Variants in SPIRE1 observed in about 807,000 individuals in gnomAD.
The protein encoded by SPIRE1 is spire type actin nucleation factor 1.
In SPIRE1, 40 loss-of-function variants were observed where a neutral mutation model predicts 94.1. The observed-to-expected ratio is 0.43, with a 90% CI of 0.33 to 0.55. The LOEUF is 0.55. Ranked by LOEUF, SPIRE1 falls within the 20% of genes least tolerant of loss-of-function variation. The pLI is 0.06. For missense variants in SPIRE1, 838 were observed against 975.2 expected (o/e 0.86, Z 1.87); for synonymous variants, 376 against 371.7 (o/e 1.01, Z -0.13).
intron 2 of SPIRE1, among the ~76,000 whole-genome samples, chr18:12,628,030 T>A: frequency 6.6e-6 from 1 of 152,204 alleles, no homozygotes; most frequent in Non-Finnish European, 1.5e-5. Context: ...GGTAGCTTCT[T>A]CTGCCATGCA....
chr18:12,550,727 C>G (rs1177191109), intron 2 of SPIRE1, among the ~76,000 whole-genome samples: 1 of 152,172 alleles, frequency 6.6e-6, no homozygotes, highest in African/African-American at 2.4e-5. Context: ...GTCTTTCCTT[C>G]TGAAACCACT....
At chr18:12,569,143 A>T (rs2035890725) in intron 2 of SPIRE1, among the ~76,000 whole-genome samples, 2 of 152,180 alleles carry the variant, frequency 1.3e-5, no homozygotes, top group Non-Finnish European at 2.9e-5. Context: ...GATCGAGACC[A>T]TCCTGGCTAA....
intron 4 of SPIRE1, among the ~76,000 whole-genome samples, chr18:12,515,340 C>T (rs1454762219): frequency 6.6e-6 from 1 of 151,838 alleles, no homozygotes; most frequent in Non-Finnish European, 1.5e-5. Context: ...CACAGTAAGA[C>T]CCTGTCTCTC....
intron 2 of SPIRE1, among the ~76,000 whole-genome samples, chr18:12,548,231 A>G (rs1471107203): frequency 6.6e-6 from 1 of 152,238 alleles, no homozygotes; most frequent in Non-Finnish European, 1.5e-5. Flanking sequence ...CTCCCAAAAT[A>G]AATAAAATCT....
chr18:12,456,537 G>A (rs143435354), intron 12 of SPIRE1, among the ~76,000 whole-genome samples: 79 of 152,222 alleles, frequency 5.2e-4, no homozygotes, highest in African/African-American at 1.8e-3. Context: ...ACATAACCAG[G>A]GAAACACTAC....
Position 12,503,977 on chromosome 18 carries a change from G to A in SPIRE1, c.972+2500C>T, listed in dbSNP as rs1050798015. On this transcript the variant is annotated intron_variant, in intron 6 of 16. Transcript: ENST00000409402. The stretch of plus-strand genomic sequence containing the variant: ...ATTTCTGAGGGCAACTAGGGAATAT[G>A]TACATAGCACAGAGCACTGGGGTCA... 6.8e-5 allele frequency among the ~76,000 whole-genome samples: 10 copies of A among 147,122 alleles called. 1 individual carries two copies. The highest frequency in any genetic ancestry group is 1.4e-4 in the Non-Finnish European group (9 of 66,472).
At chr18:12,501,259 T>C (rs1018051008) in intron 6 of SPIRE1, among the ~76,000 whole-genome samples, 2 of 152,070 alleles carry the variant, frequency 1.3e-5, no homozygotes, top group Non-Finnish European at 2.9e-5. Flanking sequence ...AGCATATTTG[T>C]GGTTACCAGG....
At chr18:12,544,555 G>A (rs1044118187) in intron 3 of SPIRE1, among the ~76,000 whole-genome samples, 1 of 147,776 alleles carries the variant, frequency 6.8e-6, no homozygotes, top group Non-Finnish European at 1.5e-5. Context: ...ATGTTGCCCA[G>A]GCTGGTCTCA....
At chr18:12,480,603 T>C (rs2032803801) in intron 9 of SPIRE1, among the ~76,000 whole-genome samples, 2 of 152,176 alleles carry the variant, frequency 1.3e-5, no homozygotes, top group East Asian at 1.9e-4. Context: ...CAATAAATGT[T>C]AGCAATTATT....
intron 4 of SPIRE1, among the ~76,000 whole-genome samples, chr18:12,519,201 C>T (rs947191973): frequency 3.3e-5 from 5 of 152,026 alleles, no homozygotes; most frequent in South Asian, 2.1e-4. Flanking sequence ...CTACTTAATT[C>T]GAATTTATAT....
chr18:12,582,656 T>C (rs1219147872), intron 2 of SPIRE1, among the ~76,000 whole-genome samples: 1 of 152,194 alleles, frequency 6.6e-6, no homozygotes, highest in Non-Finnish European at 1.5e-5. Context: ...GTTAGTTTCT[T>C]AACACATGTA....
chr18:12,497,834 C>T (rs1352343843), intron 6 of SPIRE1, among the ~76,000 whole-genome samples: 1 of 152,222 alleles, frequency 6.6e-6, no homozygotes, highest in Non-Finnish European at 1.5e-5. Context: ...GGCTAATTTT[C>T]ACATGCTTTC....
At chr18:12,588,797 G>T (rs2036455318) in intron 2 of SPIRE1, among the ~76,000 whole-genome samples, 1 of 151,672 alleles carries the variant, frequency 6.6e-6, no homozygotes, top group African/African-American at 2.4e-5. Flanking sequence ...TTAACTTCAG[G>T]GTTCTTTTAT....
intron 1 of SPIRE1, among the ~76,000 whole-genome samples, chr18:12,639,543 C>G (rs1348883765): frequency 1.3e-5 from 2 of 152,060 alleles, no homozygotes; most frequent in East Asian, 3.9e-4. Flanking sequence ...GCCAGCCTAG[C>G]CAAGATGGTG....
chr18:12,450,217 G>A (rs906432119), intron 16 of SPIRE1, among the ~76,000 whole-genome samples: 2 of 151,222 alleles, frequency 1.3e-5, no homozygotes, highest in Non-Finnish European at 2.9e-5. Flanking sequence ...AAAATAGCCA[G>A]GCATGGTGGT....
At chr18:12,615,674 T>C (rs1327065954) in intron 2 of SPIRE1, among the ~76,000 whole-genome samples, 1 of 152,076 alleles carries the variant, frequency 6.6e-6, no homozygotes, top group East Asian at 1.9e-4. Context: ...TAATGATCTG[T>C]ATACTTTCTC....
rs1427699665 is a variant in SPIRE1 at position 12,475,565 on chromosome 18, T to C, written c.1404+4134A>G. On this transcript the variant is annotated intron_variant, in intron 10 of 16. Coordinates refer to ENST00000409402, the MANE Select transcript of SPIRE1 (RefSeq NM_001128626.2). ...ATAGGAGAAGAGTTTAAAAATGCAC[T>C]AAAAAGTAGGGAACAAAAAATTACT... Among the ~76,000 whole-genome samples, 3 of 151,556 alleles carry C rather than the reference T, an allele frequency of 2.0e-5. No individual in the cohort carries two copies. In the East Asian group the frequency reaches 5.8e-4, roughly 29 times the overall value.
At chr18:12,483,102 A>G (rs904387753) in intron 9 of SPIRE1, among the ~76,000 whole-genome samples, 2 of 151,970 alleles carry the variant, frequency 1.3e-5, no homozygotes, top group African/African-American at 4.8e-5. Context: ...CACCACGCCT[A>G]GCTAATTTTT....
chr18:12,533,898 C>T (rs1013911087), intron 4 of SPIRE1, among the ~76,000 whole-genome samples: 1 of 151,396 alleles, frequency 6.6e-6, no homozygotes, highest in African/African-American at 2.4e-5. Flanking sequence ...ATCCCACTTC[C>T]TCTGGTTCTG....
Sources: gnomAD v4.1 joint callset for allele counts (sites outside exome capture counted in the v4.1 genomes callset) on GRCh38, gnomAD v4.1.1 for gene constraint, MANE v1.5 for transcripts, NCBI Gene and HGNC (gene_info 2026-07-23, HGNC 2026-07-21) for gene names.